The following SPAG16 variants were observed in gnomAD, a reference collection of about 807,000 sequenced individuals.
SPAG16 encodes the protein sperm associated antigen 16.
In SPAG16, 86 loss-of-function variants were observed where a neutral mutation model predicts 80.4. The ratio of observed to expected loss-of-function variants is 1.07; its 90% CI spans 0.90 to 1.28. SPAG16 has a LOEUF of 1.28. Ranked by LOEUF, SPAG16 falls within the 50% of genes most tolerant of loss-of-function variation. The pLI is 0.00. For synonymous variants in SPAG16, 294 were observed against 265.9 expected (o/e 1.11, Z -1.03); for missense variants, 870 against 765.3 (o/e 1.14, Z -1.61).
At chr2:213,762,278 A>G (rs957057377) in intron 10 of SPAG16, among the ~76,000 whole-genome samples, 5 of 152,192 alleles carry the variant, frequency 3.3e-5, no homozygotes, top group Admixed American at 6.5e-5. Context: ...AGTGATGGAG[A>G]TGAATAATGG....
intron 10 of SPAG16, among the ~76,000 whole-genome samples, chr2:213,666,022 C>T (rs1290027172): frequency 6.6e-6 from 1 of 152,120 alleles, no homozygotes; most frequent in Non-Finnish European, 1.5e-5. Context: ...TAGTTAGAAA[C>T]ATGTGGGTTG....
At chr2:213,407,424 C>T (rs1005179788) in intron 9 of SPAG16, among the ~76,000 whole-genome samples, 1 of 151,914 alleles carries the variant, frequency 6.6e-6, no homozygotes, top group Admixed American at 6.6e-5. Context: ...CGGGGTTGAG[C>T]CTTCCGGGAC....
At chr2:214,272,296 A>T (rs866965413) in intron 15 of SPAG16, among the ~76,000 whole-genome samples, 2 of 151,728 alleles carry the variant, frequency 1.3e-5, no homozygotes, top group African/African-American at 4.8e-5. Flanking sequence ...TGTATGGTGG[A>T]AATTTTTTTT....
At chr2:213,493,815 G>A (rs1056724162) in intron 10 of SPAG16, among the ~76,000 whole-genome samples, 1 of 151,864 alleles carries the variant, frequency 6.6e-6, no homozygotes, top group African/African-American at 2.4e-5. Flanking sequence ...TTTCTTATCC[G>A]GAGAACTCCC....
intron 7 of SPAG16, among the ~76,000 whole-genome samples, chr2:213,353,240 T>G (rs1454665122): frequency 6.6e-6 from 1 of 152,236 alleles, no homozygotes; most frequent in Non-Finnish European, 1.5e-5. Flanking sequence ...CCACAATATC[T>G]GTGAACTCCT....
At chr2:213,633,611 G>A (rs1365561822) in intron 10 of SPAG16, among the ~76,000 whole-genome samples, 1 of 152,098 alleles carries the variant, frequency 6.6e-6, no homozygotes, top group Non-Finnish European at 1.5e-5. Context: ...GTCCAATGCT[G>A]AAAGTGGGGT....
chr2:213,906,025 G>A (rs1051761584), intron 11 of SPAG16, among the ~76,000 whole-genome samples: 2 of 152,108 alleles, frequency 1.3e-5, no homozygotes, highest in Admixed American at 1.3e-4. Flanking sequence ...AAATATCTTA[G>A]CACCTACGCT....
intron 11 of SPAG16, among the ~76,000 whole-genome samples, chr2:213,891,949 C>T (rs1013421938): frequency 2.0e-5 from 3 of 152,082 alleles, no homozygotes; most frequent in African/African-American, 7.2e-5. Flanking sequence ...TGTTTTTACT[C>T]ACAGAAAGCA....
rs71426341 is a variant in SPAG16, at chr2:213,548,029, T to C, written c.1070+57939T>C. On this transcript the variant is annotated intron_variant, in intron 10 of 15. Coordinates refer to ENST00000331683, the MANE Select transcript of SPAG16 (RefSeq NM_024532.5). ...TTCTGCTACTGCAATCAATGACCTA[T>C]ATTTAAATTGTTTTGGACATAAAAC... Among the ~76,000 whole-genome samples the C allele has an allele frequency of 3.3e-3, 497 of 152,306 alleles. 1 individual carries two copies. The highest frequency in any genetic ancestry group is 0.017 in the Middle Eastern group (5 of 294).
chr2:213,532,502 C>T (rs1465363487), intron 10 of SPAG16, among the ~76,000 whole-genome samples: 4 of 146,332 alleles, frequency 2.7e-5, no homozygotes, highest in Non-Finnish European at 5.9e-5. Context: ...TGCTCTGTTG[C>T]CAATGCTAGA....
At chr2:214,322,577 T>A (rs1051984239) in intron 15 of SPAG16, among the ~76,000 whole-genome samples, 1 of 151,942 alleles carries the variant, frequency 6.6e-6, no homozygotes, top group African/African-American at 2.4e-5. Flanking sequence ...TACATTTTCT[T>A]ATAGAATTTA....
chr2:213,604,747 T>C (rs1164853983), intron 10 of SPAG16, among the ~76,000 whole-genome samples: 1 of 151,980 alleles, frequency 6.6e-6, no homozygotes, highest in Non-Finnish European at 1.5e-5. Flanking sequence ...ATTTTCTAAC[T>C]GCATGGCTTT....
intron 8 of SPAG16, among the ~76,000 whole-genome samples, chr2:213,372,129 T>G (rs956980969): frequency 5.9e-5 from 5 of 85,084 alleles, no homozygotes; most frequent in Non-Finnish European, 1.0e-4. Context: ...TGAGATAAAT[T>G]TTTTTTTCAA....
chr2:213,413,907 A>C (rs377031266), intron 9 of SPAG16, among the ~76,000 whole-genome samples: 2 of 152,060 alleles, frequency 1.3e-5, no homozygotes, highest in Non-Finnish European at 2.9e-5. Context: ...CACAGTGCAA[A>C]CAAAGTTATG....
At chr2:213,525,490 T>C (rs183239175) in intron 10 of SPAG16, among the ~76,000 whole-genome samples, 252 of 151,984 alleles carry the variant, frequency 1.7e-3, no homozygotes, top group Non-Finnish European at 3.1e-3. Flanking sequence ...GGTTTCACCA[T>C]ATTAGCAAGG....
intron 14 of SPAG16, among the ~76,000 whole-genome samples, chr2:214,145,440 A>G (rs924637834): frequency 6.6e-6 from 1 of 152,194 alleles, no homozygotes; most frequent in Non-Finnish European, 1.5e-5. Flanking sequence ...TTCAGAAGTA[A>G]TAGTAAAAGT....
At chr2:213,531,070 A>G (rs2076049592) in intron 10 of SPAG16, among the ~76,000 whole-genome samples, 1 of 151,718 alleles carries the variant, frequency 6.6e-6, no homozygotes, top group Non-Finnish European at 1.5e-5. Context: ...GTTTTCACAT[A>G]CTTGTTGACC....
intron 14 of SPAG16, among the ~76,000 whole-genome samples, chr2:214,114,353 C>A (rs887089722): frequency 6.6e-6 from 1 of 152,250 alleles, no homozygotes; most frequent in Non-Finnish European, 1.5e-5. Context: ...CAACGCACTG[C>A]TCTCTTCAGA....
At chr2:214,296,607 T>C (rs984359168) in intron 15 of SPAG16, among the ~76,000 whole-genome samples, 2 of 152,222 alleles carry the variant, frequency 1.3e-5, no homozygotes, top group Admixed American at 6.5e-5. Flanking sequence ...TGTTATCTTA[T>C]TGTGGTTTTA....
Sources: allele counts gnomAD v4.1 joint callset (sites outside exome capture counted in the v4.1 genomes callset), GRCh38; gene constraint gnomAD v4.1.1; transcripts MANE v1.5; gene names NCBI Gene and HGNC (gene_info 2026-07-23, HGNC 2026-07-21).